Variants in TTLL5 observed in about 807,000 individuals in gnomAD.
TTLL5 encodes the protein tubulin tyrosine ligase like 5, also known as tubulin polyglutamylase TTLL5.
TTLL5 carries 132 observed loss-of-function variants against 168.4 expected under a neutral mutation model. The ratio of observed to expected loss-of-function variants is 0.78; its 90% CI spans 0.68 to 0.91. The LOEUF (loss-of-function observed/expected upper bound fraction) is 0.91. Ranked by LOEUF, TTLL5 falls within the 40% of genes least tolerant of loss-of-function variation. TTLL5 has a pLI of 0.00. For synonymous variants in TTLL5, 546 were observed against 558.6 expected (o/e 0.98, Z 0.32); for missense variants, 1,545 against 1,581.5 (o/e 0.98, Z 0.39).
intron 9 of TTLL5, 151 bp downstream of exon 9, chr14:75,707,858 G>A (rs1034577643): frequency 8.7e-6 from 6 of 686,418 alleles, no homozygotes; most frequent in Non-Finnish European, 1.5e-5. Context: ...CTCAACTGCT[G>A]TGCTCTATAA....
In TTLL5 at chr14:75,731,476, G is replaced by T. The variant is rs1037057239; in HGVS notation, c.1043-862G>T. On this transcript the variant is annotated intron_variant, in intron 12 of 31. Transcript: ENST00000298832. ...GAGGAAGTCTCAGTAATAATAAGAA[G>T]GGTTTCAAAGTTAACCTCTCATCCC... 2.7e-5 allele frequency among the ~76,000 whole-genome samples: 4 copies of T among 150,872 alleles called. 1 individual carries two copies. Among genetic ancestry groups the T allele is most frequent in the African/African-American group, 9.8e-5 (4 of 40,754 alleles).
intron 26 of TTLL5, among the ~76,000 whole-genome samples, chr14:75,792,014 T>G (rs1257363626): frequency 6.6e-6 from 1 of 151,994 alleles, no homozygotes; most frequent in Non-Finnish European, 1.5e-5. Flanking sequence ...GCTTAAGCAA[T>G]CCTCCTGCCT....
chr14:75,713,233 A>G (rs1432294138), intron 9 of TTLL5, among the ~76,000 whole-genome samples: 1 of 152,252 alleles, frequency 6.6e-6, no homozygotes, highest in African/African-American at 2.4e-5. Flanking sequence ...TCTGTCGCCT[A>G]GTGACATTGT....
At chr14:75,826,951 G>T (rs887298235) in intron 28 of TTLL5, among the ~76,000 whole-genome samples, 1 of 150,324 alleles carries the variant, frequency 6.7e-6, no homozygotes, top group Admixed American at 6.6e-5. Flanking sequence ...GCTGCTAAAA[G>T]ACTCTCAGCG....
At chr14:75,930,250 AG>A (rs1027133339) in intron 31 of TTLL5, among the ~76,000 whole-genome samples, 1 of 152,238 alleles carries the variant, frequency 6.6e-6, no homozygotes, top group Non-Finnish European at 1.5e-5. Context: ...AACACATACA[AG>A]GTAAAACAGA....
chr14:75,950,130 A>G (rs1194247284), intron 31 of TTLL5, among the ~76,000 whole-genome samples: 1 of 152,228 alleles, frequency 6.6e-6, no homozygotes, highest in Non-Finnish European at 1.5e-5. Flanking sequence ...GTCTATATAT[A>G]GGAAATAACT....
chr14:75,712,035 G>A (rs556467889), intron 9 of TTLL5: 1 of 152,494 alleles, frequency 6.6e-6, no homozygotes, highest in East Asian at 1.9e-4. Flanking sequence ...TGCTGTTTGT[G>A]AAGTTTGAGT....
intron 31 of TTLL5, among the ~76,000 whole-genome samples, chr14:75,919,263 C>T (rs993283269): frequency 6.8e-6 from 1 of 146,130 alleles, no homozygotes; most frequent in African/African-American, 2.5e-5. Flanking sequence ...GTGCTCAGGT[C>T]TTTGCTGAGA....
intron 7 of TTLL5, among the ~76,000 whole-genome samples, chr14:75,705,322 T>A (rs1886574123): frequency 6.6e-6 from 1 of 152,252 alleles, no homozygotes; most frequent in Non-Finnish European, 1.5e-5. Context: ...CTGCTCATAC[T>A]GGTTGTGTAT....
At chr14:75,812,683 T>G (rs557419283) in intron 27 of TTLL5, among the ~76,000 whole-genome samples, 19 of 152,186 alleles carry the variant, frequency 1.2e-4, no homozygotes, top group Non-Finnish European at 2.8e-4. Flanking sequence ...TTTCTGCTGT[T>G]TTTTGGAAAA....
At position 75,683,991 on chromosome 14, in the gene TTLL5, C is replaced by T. The variant is rs976734967; in HGVS notation, c.371+335C>T. ...GTTTCGCCATGTAGGCCAGGCTGGT[C>T]TCAAACTCCTGACCTCAATTGATCT... On this transcript the variant is annotated intron_variant, in intron 5 of 31. Transcript: ENST00000298832. 28 of 243,658 alleles carry T rather than the reference C, an allele frequency of 1.1e-4. 1 individual carries two copies. In the East Asian group the frequency reaches 1.5e-3, roughly 13 times the overall value. The allele number at this position is 243,658 out of a possible 1,614,324, so 15.1% of individuals were successfully genotyped here. A position where few individuals can be genotyped will look rare whatever the true frequency, so the allele number is the denominator to read the frequency against.
intron 20 of TTLL5, among the ~76,000 whole-genome samples, 166 bp from the exon 21 acceptor site, chr14:75,771,568 T>C (rs550392190): frequency 2.5e-4 from 38 of 152,330 alleles, no homozygotes; most frequent in Non-Finnish European, 4.0e-4. Context: ...AAAACCTTCA[T>C]GTACTGCTTA....
intron 31 of TTLL5, among the ~76,000 whole-genome samples, chr14:75,948,068 A>C (rs1048808769): frequency 6.6e-6 from 1 of 152,352 alleles, no homozygotes; most frequent in East Asian, 1.9e-4. Flanking sequence ...GGAGTTGCAG[A>C]AACTACGTAG....
At chr14:75,811,323 G>A (rs1382965333) in intron 27 of TTLL5, among the ~76,000 whole-genome samples, 1 of 151,472 alleles carries the variant, frequency 6.6e-6, no homozygotes, top group East Asian at 1.9e-4. Context: ...GACATTCAAG[G>A]GCCTCCCCAA....
At chr14:75,873,984 A>G (rs1322140794) in intron 29 of TTLL5, among the ~76,000 whole-genome samples, 1 of 152,252 alleles carries the variant, frequency 6.6e-6, no homozygotes, top group Non-Finnish European at 1.5e-5. Context: ...TACTTGAACA[A>G]TTAAATATGG....
intron 29 of TTLL5, among the ~76,000 whole-genome samples, chr14:75,864,324 C>T (rs1369561346): frequency 6.6e-6 from 1 of 151,490 alleles, no homozygotes; most frequent in East Asian, 1.9e-4. Context: ...GTTGCAAGTT[C>T]TTCTGGTGGG....
intron 12 of TTLL5, among the ~76,000 whole-genome samples, chr14:75,725,486 T>G (rs1333031860): frequency 6.6e-6 from 1 of 152,256 alleles, no homozygotes. Flanking sequence ...CTTTTTAGTC[T>G]TCGACAATTT....
intron 18 of TTLL5, among the ~76,000 whole-genome samples, chr14:75,757,523 C>T (rs1180178448): frequency 6.6e-6 from 1 of 152,208 alleles, no homozygotes; most frequent in Non-Finnish European, 1.5e-5. Flanking sequence ...ACCTTCTTCA[C>T]ATGGTGGTTG....
Position 75,717,842 on chromosome 14 carries a change from C to T in TTLL5, c.741-19C>T. 6.2e-7 allele frequency: 1 copy of T among 1,611,496 alleles called. No individual in the cohort carries two copies. Among genetic ancestry groups the T allele is most frequent in the Non-Finnish European group, 8.5e-7 (1 of 1,178,190 alleles). ...TTGAAACTCTGTTCCTGGCATTTAACCTGTTTCCCTTCTATCAGGTTTGCA... is the reference window on the plus strand; with the variant it reads ...TTGAAACTCTGTTCCTGGCATTTAATCTGTTTCCCTTCTATCAGGTTTGCA... On this transcript the variant is annotated intron_variant, in intron 9 of 31. Coordinates refer to ENST00000298832, the MANE Select transcript of TTLL5 (RefSeq NM_015072.5).
Sources: allele counts gnomAD v4.1 joint callset (sites outside exome capture counted in the v4.1 genomes callset), GRCh38; gene constraint gnomAD v4.1.1; transcripts MANE v1.5; gene names NCBI Gene and HGNC (gene_info 2026-07-23, HGNC 2026-07-21).